ZNF641: variants seen among roughly 807,000 people sequenced by gnomAD.
ZNF641 encodes the protein zinc finger protein 641.
Under a neutral mutation model 46.2 loss-of-function variants are expected in ZNF641, and 26 were observed. That is an observed-to-expected ratio of 0.56 (90% CI 0.41 to 0.78). ZNF641 has a LOEUF of 0.78. Among genes scored for constraint, ZNF641 ranks in the 30% least tolerant of loss-of-function variants. The pLI is 0.00. For synonymous variants in ZNF641, 163 were observed against 187.9 expected, an observed-to-expected ratio of 0.87 and a Z score of 1.09; for missense variants, 469 against 517.8, an observed-to-expected ratio of 0.91 and a Z score of 0.91.
In ZNF641 at chr12:48,343,447, C is replaced by A; in HGVS notation, c.801G>T (p.Arg267Ser). Reference sequence around the variant, plus strand: ...TCTCCCCAGTGTGTGTTTGTTGATGCCTGGCAAGGTGGGAACCCCATACAA... The same window carrying A: ...TCTCCCCAGTGTGTGTTTGTTGATGACTGGCAAGGTGGGAACCCCATACAA... The part of the protein sequence containing the change: ...KQFVWGSHLA[R>S]HQQTHTGERP... Residue 267 changes from arginine to serine, a missense_variant, in exon 6 of 6, where the codon AGG (arginine) becomes AGT (serine). Around this residue, in one of 3 missense-constraint regions of ZNF641, gnomAD observed 346 missense variants for 354.0 expected, o/e 0.98. Transcript: ENST00000547026. The A allele has an allele frequency of 3.1e-6, 5 of 1,614,086 alleles. No homozygotes were observed. The highest frequency in any genetic ancestry group is 4.2e-6 in the Non-Finnish European group (5 of 1,179,954).
downstream of ZNF641, among the ~76,000 whole-genome samples, chr12:48,335,502 G>A (rs982675022): frequency 6.6e-6 from 1 of 152,184 alleles, no homozygotes; most frequent in African/African-American, 2.4e-5. Context: ...TCAGCAAAAT[G>A]TATCCAATTT....
At position 48,341,179 on chromosome 12, in the gene ZNF641, C is replaced by T. The variant is rs1167071516; in HGVS notation, c.*1794G>A. 6.1e-6 allele frequency: 6 copies of T among 985,306 alleles called. No homozygotes were observed. The highest frequency in any genetic ancestry group is 9.4e-5 in the South Asian group (2 of 21,286). 61.0% of individuals were successfully genotyped at this position (985,306 alleles called of 1,614,324 possible). Reference sequence around the variant, plus strand: ...CAGTTTTTCCTGCAAAAGGCACAGTCGCTAAACTAAATTGGTGCAATTCAC... The same window carrying T: ...CAGTTTTTCCTGCAAAAGGCACAGTTGCTAAACTAAATTGGTGCAATTCAC... On this transcript the variant is annotated 3_prime_UTR_variant, in exon 6 of 6. Coordinates refer to ENST00000547026, the MANE Select transcript of ZNF641 (RefSeq NM_001172681.2).
chr12:48,341,125 T>C lies in ZNF641; in HGVS notation c.*1848A>G, dbSNP rs1347505528. The C allele has an allele frequency of 1.0e-6, 1 of 985,314 alleles. No homozygotes were observed. Among genetic ancestry groups the C allele is most frequent in the Non-Finnish European group, 1.2e-6 (1 of 829,944 alleles). The allele number at this position is 985,314 out of a possible 1,614,324, so 61.0% of individuals were successfully genotyped here. A position where few individuals can be genotyped will look rare whatever the true frequency, so the allele number is the denominator to read the frequency against. On this transcript the variant is annotated 3_prime_UTR_variant, in exon 6 of 6. Coordinates refer to ENST00000547026, the MANE Select transcript of ZNF641 (RefSeq NM_001172681.2). The stretch of plus-strand genomic sequence containing the variant: ...AAGTCTATCTTCAATTCTAGTTGAG[T>C]CCAGGACTCTGAGGAGCTGTGATTC...
At chr12:48,336,711 G>A (rs911679701), downstream of ZNF641, among the ~76,000 whole-genome samples, 4 of 152,160 alleles carry the variant, frequency 2.6e-5, no homozygotes, top group African/African-American at 7.2e-5. Flanking sequence ...TGCCTCTAAG[G>A]GGTCAAGTCA....
chr12:48,347,072 A>G (rs2634675), intron 3 of ZNF641, 180 bp downstream of exon 3: 560,534 of 1,107,798 alleles, frequency 0.51, 150,230 homozygotes, highest in Non-Finnish European at 0.55. Context: ...CCTTTCTTGT[A>G]GGTCCATTTA....
rs915575527 is a variant in ZNF641 at position 48,342,857 on chromosome 12, G to A, written c.*116C>T. On this transcript the variant is annotated 3_prime_UTR_variant, in exon 6 of 6. Transcript: ENST00000547026. ...ATTGCTGGGACCTCATCTTTCTAGG[G>A]ATGGGGTCAGGGCTTATGATTCTGG... The A allele has an allele frequency of 5.5e-6, 8 of 1,466,456 alleles. No homozygotes were observed. Among genetic ancestry groups the A allele is most frequent in the Admixed American group, 5.3e-5 (2 of 38,062 alleles). 90.8% of individuals were successfully genotyped at this position (1,466,456 alleles called of 1,614,324 possible).
At chr12:48,335,038 C>G (rs944000807), downstream of ZNF641, among the ~76,000 whole-genome samples, 7 of 152,218 alleles carry the variant, frequency 4.6e-5, no homozygotes, top group South Asian at 2.1e-4. Flanking sequence ...CGCCTCCCCC[C>G]CACCATGGGT....
Position 48,343,704 on chromosome 12 carries a change from C to T in ZNF641, c.544G>A (p.Asp182Asn). 6.7e-7 allele frequency: 1 copy of T among 1,502,974 alleles called. No individual in the cohort carries two copies. Among genetic ancestry groups the T allele is most frequent in the Non-Finnish European group, 8.9e-7 (1 of 1,125,242 alleles). 93.1% of individuals were successfully genotyped at this position (1,502,974 alleles called of 1,614,324 possible). ...YTGDGSEHEG[D>N]TPELEAEPPR... ...GGTTCTGCTTCTAGTTCAGGGGTAT[C>T]CCCCTCATGTTCACTTCCATCTCCT... The change falls in exon 6 of 6, where the codon GAT (aspartate) becomes AAT (asparagine). Residue 182 changes from aspartate to asparagine, a missense_variant. This residue lies in a region of ZNF641 where 346 missense variants were observed against 354.0 expected (regional missense o/e 0.98). Transcript: ENST00000547026.
intron 1 of ZNF641, chr12:48,350,358 C>T: frequency 3.0e-6 from 2 of 673,562 alleles, no homozygotes; most frequent in Non-Finnish European, 2.2e-6. Context: ...AGGGCATGGG[C>T]GGGACGGGAG....
Position 48,350,795 on chromosome 12 carries a change from G to C in ZNF641, c.-35C>G. On this transcript the variant is annotated 5_prime_UTR_variant, in exon 1 of 6. Coordinates refer to ENST00000547026, the MANE Select transcript of ZNF641 (RefSeq NM_001172681.2). ...GCCCGGCTCCACTCACCCCCGGTAG[G>C]CTTGGCCCGCGGCCCGGTGCCTCCC... 2 of 983,230 alleles carry C rather than the reference G, an allele frequency of 2.0e-6. No homozygotes were observed. The highest frequency in any genetic ancestry group is 2.4e-6 in the Non-Finnish European group (2 of 827,914). 60.9% of individuals were successfully genotyped at this position (983,230 alleles called of 1,614,324 possible).
intron 1 of ZNF641, among the ~76,000 whole-genome samples, chr12:48,348,775 T>C (rs1021686784): frequency 9.2e-5 from 14 of 152,150 alleles, no homozygotes; most frequent in African/African-American, 3.4e-4. Context: ...AAAGTAATCC[T>C]AAGAGGTAAG....
intron 3 of ZNF641, among the ~76,000 whole-genome samples, chr12:48,346,071 T>C (rs1952863589): frequency 6.6e-6 from 1 of 152,018 alleles, no homozygotes; most frequent in Admixed American, 6.5e-5. Flanking sequence ...ACCCAGCTAT[T>C]TTTTTTGTGG....
Position 48,348,034 on chromosome 12 carries a change from C to A in ZNF641, c.57G>T (p.Gln19His). Residue 19 changes from glutamine (Q) to histidine (H), a missense_variant, in exon 2 of 6, where the codon CAG becomes CAT. Gln to His is a conservative substitution (Grantham distance 24). Around this residue, in one of 3 missense-constraint regions of ZNF641, gnomAD observed 98 missense variants for 105.7 expected, o/e 0.93. Transcript: ENST00000547026. ...CCACCTGGGGCTCTGCTCCATCCAGCTGTACATTCATTGATTCCCATCCTG... is the reference window on the plus strand; with the variant it reads ...CCACCTGGGGCTCTGCTCCATCCAGATGTACATTCATTGATTCCCATCCTG... ...LGTGWESMNV[Q>H]LDGAEPQVER... 5.0e-6 allele frequency: 8 copies of A among 1,614,226 alleles called. No homozygotes were observed. Among genetic ancestry groups the A allele is most frequent in the Non-Finnish European group, 6.8e-6 (8 of 1,180,042 alleles).
At position 48,342,708 on chromosome 12, in the gene ZNF641, T is replaced by C. The variant is rs563122106; in HGVS notation, c.*265A>G. The C allele has an allele frequency of 2.9e-3, 3,291 of 1,129,276 alleles. 5 individuals are homozygous for C. Among genetic ancestry groups the C allele is most frequent in the Non-Finnish European group, 3.6e-3 (3,135 of 866,150 alleles). The allele number at this position is 1,129,276 out of a possible 1,614,324, so 70.0% of individuals were successfully genotyped here. On this transcript the variant is annotated 3_prime_UTR_variant, in exon 6 of 6. Transcript: ENST00000547026. ...CAGCCATAAACTGCCAGTACCACTCTCCTCTTGAGAACAGCTCAGGCTGAA... is the reference window on the plus strand; with the variant it reads ...CAGCCATAAACTGCCAGTACCACTCCCCTCTTGAGAACAGCTCAGGCTGAA...
rs1952724293 is a variant in ZNF641, at chr12:48,341,835, T to C, written c.*1138A>G. On this transcript the variant is annotated 3_prime_UTR_variant, in exon 6 of 6. Coordinates refer to ENST00000547026, the MANE Select transcript of ZNF641 (RefSeq NM_001172681.2). ...CAAACCTAGACATACACATCCACAA[T>C]TGTCTTAATCTCAGCAGTACTGGGA... 1 of 985,444 alleles carries C rather than the reference T, an allele frequency of 1.0e-6. No homozygotes were observed. The highest frequency in any genetic ancestry group is 1.2e-6 in the Non-Finnish European group (1 of 829,936). 61.0% of individuals were successfully genotyped at this position (985,444 alleles called of 1,614,324 possible).
rs1952697067 is a variant in ZNF641 at position 48,340,625 on chromosome 12, T to G, written c.*2348A>C. ...GACCATTTTAGATCGGGGAACTCCC[T>G]TTCTTTGAAGGCAGTTTAGGGATTC... On this transcript the variant is annotated 3_prime_UTR_variant, in exon 6 of 6. Coordinates refer to ENST00000547026, the MANE Select transcript of ZNF641 (RefSeq NM_001172681.2). 1 of 985,354 alleles carries G rather than the reference T, an allele frequency of 1.0e-6. No homozygotes were observed. Among genetic ancestry groups the G allele is most frequent in the South Asian group, 4.7e-5 (1 of 21,290 alleles). The allele number at this position is 985,354 out of a possible 1,614,324, so 61.0% of individuals were successfully genotyped here.
In ZNF641 at chr12:48,343,647, T is replaced by C; in HGVS notation, c.601A>G (p.Thr201Ala). 6.3e-7 allele frequency: 1 copy of C among 1,585,136 alleles called. No homozygotes were observed. Residue 201 changes from threonine to alanine, a missense_variant, in exon 6 of 6, where the codon ACT becomes GCT. Physicochemically the swap from Thr to Ala is moderately conservative, Grantham distance 58 (BLOSUM62 0). This residue lies in a region of ZNF641 where 346 missense variants were observed against 354.0 expected (regional missense o/e 0.98). Transcript: ENST00000547026. ...PRMLSSVSED[T>A]VLWNPEHDES... The stretch of plus-strand genomic sequence containing the variant: ...TCATGCTCCGGGTTCCAGAGAACAG[T>C]ATCTTCAGACACGCTGGATAACATT...
At chr12:48,344,813 C>G (rs1398139977) in intron 4 of ZNF641, 101 bp from the exon 5 acceptor site, 2 of 720,088 alleles carry the variant, frequency 2.8e-6, no homozygotes, top group Non-Finnish European at 4.6e-6. Context: ...GTTTGGAACT[C>G]TAGACAAAAG....
chr12:48,347,446 C>G (rs1488969931), intron 2 of ZNF641, 103 bp from the exon 3 acceptor site: 2 of 964,154 alleles, frequency 2.1e-6, no homozygotes, highest in Non-Finnish European at 3.0e-6. Flanking sequence ...ACTTCTGTAT[C>G]TATGCCCATT....
Sources: allele counts gnomAD v4.1 joint callset (sites outside exome capture counted in the v4.1 genomes callset), GRCh38; gene constraint gnomAD v4.1.1; regional missense constraint gnomAD v4.1.1; transcripts MANE v1.5; gene names NCBI Gene and HGNC (gene_info 2026-07-23, HGNC 2026-07-21).